DDB1: variants seen among roughly 807,000 people sequenced by gnomAD.
DDB1 encodes the protein damage specific DNA binding protein 1.
A neutral mutation model predicts 133.1 loss-of-function variants in DDB1; 18 were observed. The ratio of observed to expected loss-of-function variants is 0.14; its 90% CI spans 0.09 to 0.20. DDB1 has a LOEUF of 0.20. DDB1 is among the 10% of genes least tolerant of loss of function. DDB1 has a pLI of 1.00. For missense variants in DDB1, 828 were observed against 1,459.2 expected, an observed-to-expected ratio of 0.57 and a Z score of 7.05; for synonymous variants, 580 against 550.5, an observed-to-expected ratio of 1.05 and a Z score of -0.75.
chr11:61,316,974 T>TATATATATATAC (rs1856092098), intron 10 of DDB1, among the ~76,000 whole-genome samples: 3 of 60,086 alleles, frequency 5.0e-5, no homozygotes, highest in Non-Finnish European at 1.0e-4. Context: ...TATATATATA[T>TATATATATATAC]ATATATATAT....
chr11:61,301,833 G>A (rs373114078), intron 25 of DDB1: 15 of 164,022 alleles, frequency 9.1e-5, no homozygotes, highest in East Asian at 8.4e-4. Context: ...TCCCAGGGTG[G>A]CAGATTCTTT....
chr11:61,326,972 C>T (rs1167672780), intron 4 of DDB1, 79 bp from the exon 5 acceptor site: 3 of 971,642 alleles, frequency 3.1e-6, no homozygotes, highest in Non-Finnish European at 5.0e-6. Context: ...AGGAATAAGC[C>T]ACCACTACCC....
Position 61,310,313 on chromosome 11 carries a change from C to T in DDB1, c.2383G>A (p.Asp795Asn), listed in dbSNP as rs1855943568. 6.2e-7 allele frequency: 1 copy of T among 1,610,914 alleles called. No homozygotes were observed. The highest frequency in any genetic ancestry group is 1.3e-5 in the African/African-American group (1 of 74,806). ...EVEVHNLLIIDQHTFEVLHAH... is the reference protein window; with the variant it reads ...EVEVHNLLIINQHTFEVLHAH... The stretch of plus-strand genomic sequence containing the variant: ...TGTGCACCTTCAAAGGTGTGTTGGT[C>T]AATGATAAGTAGGTTGTGCACCTCC... Residue 795 changes from aspartate to asparagine, a missense_variant, in exon 19 of 27, where the codon GAC becomes AAC. Asp to Asn is a conservative substitution (Grantham distance 23, BLOSUM62 1). Coordinates refer to ENST00000301764, the MANE Select transcript of DDB1 (RefSeq NM_001923.5).
intron 21 of DDB1, 38 bp downstream of exon 21, chr11:61,308,945 G>C (rs749021718): frequency 1.9e-6 from 3 of 1,594,670 alleles, no homozygotes; most frequent in East Asian, 4.5e-5. Context: ...GACAATGATG[G>C]GCAGCCTAAA....
chr11:61,326,325 G>GTTTT, intron 5 of DDB1: 1 of 205,968 alleles, frequency 4.9e-6, no homozygotes, highest in Non-Finnish European at 9.7e-6. Flanking sequence ...TTTTGTTGTT[G>GTTTT]TTTTTTTTTT....
At chr11:61,325,239 G>A (rs1856250788) in intron 6 of DDB1, among the ~76,000 whole-genome samples, 1 of 152,098 alleles carries the variant, frequency 6.6e-6, no homozygotes, top group Non-Finnish European at 1.5e-5. Flanking sequence ...TTGGGAGGTT[G>A]AGACAGGAGG....
At chr11:61,326,683 C>G in intron 5 of DDB1, 96 bp downstream of exon 5, 1 of 921,940 alleles carries the variant, frequency 1.1e-6, no homozygotes, top group Non-Finnish European at 1.8e-6. Flanking sequence ...TAATACCGAG[C>G]GCCAAAACGA....
Position 61,304,043 on chromosome 11 carries a change from G to T in DDB1, c.2662-8C>A. 2.5e-6 allele frequency: 4 copies of T among 1,613,590 alleles called. No homozygotes were observed. The highest frequency in any genetic ancestry group is 3.4e-6 in the Non-Finnish European group (4 of 1,179,966). On this transcript the variant is annotated splice_region_variant and splice_polypyrimidine_tract_variant and intron_variant, in intron 21 of 26. Transcript: ENST00000301764. ...CCACTCATAGAGCCGCACCTGGGAA[G>T]GGCATTGTCTCTCTCAGCCAAAGGG...
At chr11:61,314,707 A>G (rs1192496719) in intron 12 of DDB1, 2 of 474,620 alleles carry the variant, frequency 4.2e-6, no homozygotes, top group African/African-American at 4.0e-5. Flanking sequence ...TTACAAACCT[A>G]CAGCTGGTGG....
chr11:61,306,872 G>A (rs924098285), intron 21 of DDB1, among the ~76,000 whole-genome samples: 21 of 152,134 alleles, frequency 1.4e-4, no homozygotes, highest in Non-Finnish European at 3.1e-4. Flanking sequence ...TAACTGAAAG[G>A]GGGTTCCTAA....
At chr11:61,303,445 T>C (rs1855831837) in intron 22 of DDB1, 1 of 331,534 alleles carries the variant, frequency 3.0e-6, no homozygotes, top group Non-Finnish European at 5.7e-6. Context: ...TCCCAGCACT[T>C]TGGGAGGCCG....
chr11:61,305,450 T>C (rs1422055843), intron 21 of DDB1, among the ~76,000 whole-genome samples: 1 of 152,200 alleles, frequency 6.6e-6, no homozygotes, highest in African/African-American at 2.4e-5. Flanking sequence ...GAGGTTGCAG[T>C]GAGCCAAGAC....
intron 10 of DDB1, among the ~76,000 whole-genome samples, chr11:61,319,709 C>T (rs1856146873): frequency 6.6e-6 from 1 of 152,204 alleles, no homozygotes; most frequent in Admixed American, 6.5e-5. Context: ...GGATTACAGG[C>T]ATGAGGCATT....
intron 10 of DDB1, among the ~76,000 whole-genome samples, chr11:61,316,982 T>TAG (rs1676593980): frequency 1.4e-5 from 1 of 72,526 alleles, no homozygotes; most frequent in Non-Finnish European, 3.2e-5. Context: ...TATATATATA[T>TAG]ATATATATAT....
chr11:61,316,998 T>TATATATATATGGAC (rs1565034349), intron 10 of DDB1, among the ~76,000 whole-genome samples: 4 of 92,170 alleles, frequency 4.3e-5, no homozygotes, highest in Non-Finnish European at 7.1e-5. Flanking sequence ...TATATATATA[T>TATATATATATGGAC]AGACATGGCA....
chr11:61,300,694 A>G (rs1229495381), intron 26 of DDB1, 115 bp downstream of exon 26: 17 of 1,496,138 alleles, frequency 1.1e-5, no homozygotes, highest in Non-Finnish European at 1.4e-5. Flanking sequence ...AGGATTACAC[A>G]GAGGTCCCCT....
intron 2 of DDB1, 72 bp from the exon 3 acceptor site, chr11:61,330,146 C>A: frequency 7.9e-7 from 1 of 1,258,808 alleles, no homozygotes. Flanking sequence ...TCTTTAAGCA[C>A]ACCAAATTCT....
chr11:61,312,387 T>A (rs12281828), intron 16 of DDB1, among the ~76,000 whole-genome samples: 5,101 of 152,196 alleles, frequency 0.034, 297 homozygotes, highest in African/African-American at 0.12. Context: ...TGTGTCAGAG[T>A]TGGCTGGAGG....
chr11:61,316,207 T>C, intron 12 of DDB1, 78 bp downstream of exon 12: 1 of 1,308,468 alleles, frequency 7.6e-7, no homozygotes, highest in Non-Finnish European at 1.1e-6. Context: ...TTGGTTGTTT[T>C]AAAATCCAGT....
Sources: allele counts gnomAD v4.1 joint callset (sites outside exome capture counted in the v4.1 genomes callset), GRCh38; gene constraint gnomAD v4.1.1; transcripts MANE v1.5; gene names NCBI Gene and HGNC (gene_info 2026-07-23, HGNC 2026-07-21).